R3HDM1: variants seen among roughly 807,000 people sequenced by gnomAD.
R3HDM1 encodes the protein R3H domain containing 1, also known as R3H domain-containing protein 1.
In R3HDM1, 46 loss-of-function variants were observed where a neutral mutation model predicts 141.1. The ratio of observed to expected loss-of-function variants is 0.33; its 90% CI spans 0.26 to 0.42. R3HDM1 has a LOEUF of 0.42. Ranked by LOEUF, R3HDM1 falls within the 10% of genes least tolerant of loss-of-function variation. R3HDM1 has a pLI of 1.00. For missense variants in R3HDM1, 1,184 were observed against 1,368.3 expected (o/e 0.87, Z 2.12); for synonymous variants, 435 against 472.9 (o/e 0.92, Z 1.04).
At chr2:135,688,326 AAG>A (rs2071724960) in intron 21 of R3HDM1, among the ~76,000 whole-genome samples, 2 of 152,220 alleles carry the variant, frequency 1.3e-5, no homozygotes, top group Admixed American at 1.3e-4. Flanking sequence ...CATCCAGAAA[AAG>A]AGGAAATTCA....
intron 1 of R3HDM1, among the ~76,000 whole-genome samples, chr2:135,589,906 T>A (rs1708859353): frequency 2.0e-5 from 3 of 152,082 alleles, no homozygotes; most frequent in South Asian, 4.1e-4. Flanking sequence ...TATTATAATA[T>A]ACATAGATAT....
intron 1 of R3HDM1, among the ~76,000 whole-genome samples, chr2:135,534,648 A>C (rs1486415299): frequency 6.6e-6 from 1 of 152,236 alleles, no homozygotes; most frequent in African/African-American, 2.4e-5. Flanking sequence ...ATGCAAAATA[A>C]CGAGGTGAGG....
chr2:135,576,312 T>G (rs1705405258), intron 1 of R3HDM1, among the ~76,000 whole-genome samples: 1 of 151,858 alleles, frequency 6.6e-6, no homozygotes, highest in Non-Finnish European at 1.5e-5. Flanking sequence ...AAGACAGCAG[T>G]GTGCCATGAT....
At chr2:135,558,114 A>G (rs1701122673) in intron 1 of R3HDM1, among the ~76,000 whole-genome samples, 1 of 152,244 alleles carries the variant, frequency 6.6e-6, no homozygotes, top group Non-Finnish European at 1.5e-5. Flanking sequence ...CAATTCTTTA[A>G]GCACACATCA....
At chr2:135,608,040 G>A (rs995353915) in intron 3 of R3HDM1, 153 of 929,518 alleles carry the variant, frequency 1.6e-4, no homozygotes, top group Non-Finnish European at 1.8e-4. Flanking sequence ...TATGGGCCGG[G>A]CGCAGTGGCT....
chr2:135,671,037 G>A (rs890519025), intron 19 of R3HDM1, among the ~76,000 whole-genome samples: 3 of 151,722 alleles, frequency 2.0e-5, no homozygotes, highest in Non-Finnish European at 4.4e-5. Context: ...TGTCCTGGGC[G>A]ATAGGGTAGG....
At chr2:135,653,958 T>C (rs1409020135) in intron 18 of R3HDM1, among the ~76,000 whole-genome samples, 1 of 152,214 alleles carries the variant, frequency 6.6e-6, no homozygotes, top group Non-Finnish European at 1.5e-5. Context: ...TTGATTTTTT[T>C]ATTGAAATTC....
At chr2:135,655,708 G>A (rs1262422516) in intron 18 of R3HDM1, among the ~76,000 whole-genome samples, 1 of 151,608 alleles carries the variant, frequency 6.6e-6, no homozygotes, top group Non-Finnish European at 1.5e-5. Context: ...GGGTTTCACG[G>A]TAGTCTCGAT....
chr2:135,556,075 GA>G (rs1275069422), intron 1 of R3HDM1, among the ~76,000 whole-genome samples: 1 of 152,144 alleles, frequency 6.6e-6, no homozygotes, highest in East Asian at 1.9e-4. Flanking sequence ...GTTCCAATGT[GA>G]ATGAACCTTG....
chr2:135,652,213 G>A (rs1445923607), intron 18 of R3HDM1, among the ~76,000 whole-genome samples, 181 bp downstream of exon 18: 1 of 152,196 alleles, frequency 6.6e-6, no homozygotes, highest in African/African-American at 2.4e-5. Flanking sequence ...CCATATGACA[G>A]GTAAATGCTC....
chr2:135,723,880 T>C (rs1371646302), intron 26 of R3HDM1, 57 bp from the exon 27 acceptor site: 1 of 1,448,300 alleles, frequency 6.9e-7, no homozygotes, highest in Non-Finnish European at 9.4e-7. Context: ...GCAGTGCTTT[T>C]TTACCCAACT....
intron 1 of R3HDM1, among the ~76,000 whole-genome samples, chr2:135,596,053 C>T (rs897123342): frequency 1.3e-5 from 2 of 152,158 alleles, no homozygotes; most frequent in African/African-American, 4.8e-5. Context: ...GGCTGGAGTG[C>T]AGTGGTGCGA....
intron 23 of R3HDM1, among the ~76,000 whole-genome samples, chr2:135,713,822 C>T (rs919119734): frequency 2.0e-5 from 3 of 151,872 alleles, no homozygotes; most frequent in African/African-American, 7.3e-5. Flanking sequence ...AAAATAGGGA[C>T]GTCTTGAAGA....
intron 23 of R3HDM1, 30 bp from the exon 24 acceptor site, chr2:135,715,520 A>T: frequency 1.3e-6 from 2 of 1,598,590 alleles, no homozygotes; most frequent in Non-Finnish European, 1.7e-6. Context: ...CAAAATGCTG[A>T]CCCATTTTCT....
chr2:135,699,408 G>A (rs565024812), intron 21 of R3HDM1, among the ~76,000 whole-genome samples: 4 of 152,312 alleles, frequency 2.6e-5, no homozygotes, highest in Non-Finnish European at 4.4e-5. Flanking sequence ...AAGAGAGAGA[G>A]TTGTAAGGTC....
intron 1 of R3HDM1, among the ~76,000 whole-genome samples, chr2:135,559,426 T>C (rs549333877): frequency 6.6e-6 from 1 of 152,190 alleles, no homozygotes; most frequent in Non-Finnish European, 1.5e-5. Context: ...CCACAAAATA[T>C]ATTACCTTCT....
At chr2:135,566,436 C>T (rs900776754) in intron 1 of R3HDM1, among the ~76,000 whole-genome samples, 4 of 152,100 alleles carry the variant, frequency 2.6e-5, no homozygotes, top group African/African-American at 4.8e-5. Flanking sequence ...CACAAGGCAT[C>T]GTTTACATTA....
intron 1 of R3HDM1, among the ~76,000 whole-genome samples, chr2:135,600,876 G>T (rs1204543183): frequency 6.6e-6 from 1 of 152,122 alleles, no homozygotes; most frequent in African/African-American, 2.4e-5. Flanking sequence ...GTTCTTTGGG[G>T]TTTCATGGAA....
At chr2:135,678,573 C>A (rs999700924) in intron 20 of R3HDM1, among the ~76,000 whole-genome samples, 1 of 151,488 alleles carries the variant, frequency 6.6e-6, no homozygotes, top group African/African-American at 2.4e-5. Context: ...CATGGTGAAA[C>A]CCCATCTCTC....
Sources: gnomAD v4.1 joint callset for allele counts (sites outside exome capture counted in the v4.1 genomes callset) on GRCh38, gnomAD v4.1.1 for gene constraint, MANE v1.5 for transcripts, NCBI Gene and HGNC (gene_info 2026-07-23, HGNC 2026-07-21) for gene names.